SLCO5A1: variants seen among roughly 807,000 people sequenced by gnomAD.
SLCO5A1 encodes solute carrier organic anion transporter family member 5A1.
A neutral mutation model predicts 65.1 loss-of-function variants in SLCO5A1; 39 were observed. The ratio of observed to expected loss-of-function variants is 0.60; its 90% CI spans 0.46 to 0.78. SLCO5A1 has a LOEUF of 0.78. Among genes scored for constraint, SLCO5A1 ranks in the 30% least tolerant of loss-of-function variants. The pLI, the probability that SLCO5A1 is intolerant of heterozygous loss-of-function variation, is 0.00. For synonymous variants in SLCO5A1, 438 were observed against 415.7 expected, an observed-to-expected ratio of 1.05 and a Z score of -0.65; for missense variants, 1,029 against 1,069.4, an observed-to-expected ratio of 0.96 and a Z score of 0.53.
intron 2 of SLCO5A1, among the ~76,000 whole-genome samples, chr8:69,809,239 C>T (rs905533919): frequency 6.6e-6 from 1 of 152,126 alleles, no homozygotes; most frequent in African/African-American, 2.4e-5. Flanking sequence ...TAAAGCAAGA[C>T]AAGCTTAAAG....
chr8:69,740,024 G>T lies in SLCO5A1; in HGVS notation c.1259-1820C>A, dbSNP rs191681883. Among the ~76,000 whole-genome samples, 134 of 152,278 alleles carry T rather than the reference G, an allele frequency of 8.8e-4. 3 individuals carry two copies. The highest frequency in any genetic ancestry group is 3.0e-3 in the African/African-American group (124 of 41,558). Reference sequence around the variant, plus strand: ...TGTTTTAAGAAATACTGGTTATATTGAACGGGTTTTTCTTCTATAGCCATT... The same window carrying T: ...TGTTTTAAGAAATACTGGTTATATTTAACGGGTTTTTCTTCTATAGCCATT... On this transcript the variant is annotated intron_variant, in intron 4 of 9. Transcript: ENST00000260126.
At chr8:69,706,013 A>G (rs2130811113) in intron 5 of SLCO5A1, among the ~76,000 whole-genome samples, 1 of 152,386 alleles carries the variant, frequency 6.6e-6, no homozygotes, top group Non-Finnish European at 1.5e-5. Context: ...TTATAATTGT[A>G]AAAAACTGGA....
chr8:69,796,573 T>C (rs1819509593), intron 2 of SLCO5A1, among the ~76,000 whole-genome samples: 1 of 152,052 alleles, frequency 6.6e-6, no homozygotes, highest in Non-Finnish European at 1.5e-5. Flanking sequence ...GCCATGATCA[T>C]GCCACTGCAC....
At chr8:69,676,551 A>G in intron 9 of SLCO5A1, 58 bp downstream of exon 9, 1 of 1,473,944 alleles carries the variant, frequency 6.8e-7, no homozygotes, top group Non-Finnish European at 9.4e-7. Flanking sequence ...AAGGACAGTG[A>G]AAATTTGCCA....
At chr8:69,829,484 A>T (rs1228317359) in intron 2 of SLCO5A1, among the ~76,000 whole-genome samples, 1 of 152,230 alleles carries the variant, frequency 6.6e-6, no homozygotes, top group Non-Finnish European at 1.5e-5. Flanking sequence ...TTAAAAAATT[A>T]TTATTAGCCT....
intron 5 of SLCO5A1, among the ~76,000 whole-genome samples, chr8:69,707,604 G>C (rs1474843831): frequency 6.6e-6 from 1 of 152,188 alleles, no homozygotes; most frequent in African/African-American, 2.4e-5. Flanking sequence ...GAAGAATTCT[G>C]AGCTGCGGCT....
chr8:69,753,943 G>A (rs1817437746), intron 4 of SLCO5A1, among the ~76,000 whole-genome samples: 1 of 149,988 alleles, frequency 6.7e-6, no homozygotes, highest in Non-Finnish European at 1.5e-5. Flanking sequence ...TTGAACCTGG[G>A]AGGCAGAGAT....
intron 2 of SLCO5A1, among the ~76,000 whole-genome samples, chr8:69,824,619 A>C (rs531954323): frequency 0.019 from 2,880 of 152,326 alleles, 93 homozygotes; most frequent in African/African-American, 0.064. Flanking sequence ...AGGAGCTGAA[A>C]TTGTGGCAAT....
chr8:69,811,789 T>A (rs10504460), intron 2 of SLCO5A1, among the ~76,000 whole-genome samples: 14 of 152,184 alleles, frequency 9.2e-5, no homozygotes, highest in Admixed American at 9.2e-4. Flanking sequence ...GTGTTTTAAG[T>A]GCATCCTGGG....
At chr8:69,796,935 C>G (rs1425880285) in intron 2 of SLCO5A1, among the ~76,000 whole-genome samples, 1 of 152,110 alleles carries the variant, frequency 6.6e-6, no homozygotes, top group Non-Finnish European at 1.5e-5. Context: ...CTAATAAGTT[C>G]CTTATCTCCA....
Position 69,831,909 on chromosome 8 carries a change from C to T in SLCO5A1, c.765G>A (p.Ser255=). 6.2e-7 allele frequency: 1 copy of T among 1,608,520 alleles called. No homozygotes were observed. Among genetic ancestry groups the T allele is most frequent in the Non-Finnish European group, 8.5e-7 (1 of 1,178,182 alleles). ...CGTAGACCCAGTGATTATTTCCTCC[C>T]GAGTCCTTCGGACAGGCCGGAGGCT... ...TLEPPACPKD[S]GGNNHWVYVA... is the part of the protein sequence containing the mutation. The change falls in exon 2 of 10, where the codon TCG becomes TCA. Residue 255 remains serine (S), a synonymous_variant. Coordinates refer to ENST00000260126, the MANE Select transcript of SLCO5A1 (RefSeq NM_030958.3).
At chr8:69,676,516 TA>T (rs918884598) in intron 9 of SLCO5A1, 92 bp downstream of exon 9, 1 of 1,052,714 alleles carries the variant, frequency 9.5e-7, no homozygotes, top group African/African-American at 1.6e-5. Flanking sequence ...TTCATGGTAA[TA>T]AATGACATGA....
intron 5 of SLCO5A1, among the ~76,000 whole-genome samples, chr8:69,712,325 C>T (rs983812059): frequency 6.6e-6 from 1 of 152,140 alleles, no homozygotes; most frequent in South Asian, 2.1e-4. Flanking sequence ...CGTTTTTATT[C>T]TGGACCCCAA....
At chr8:69,696,138 G>C (rs1475148645) in intron 6 of SLCO5A1, among the ~76,000 whole-genome samples, 2 of 152,228 alleles carry the variant, frequency 1.3e-5, no homozygotes, top group Non-Finnish European at 1.5e-5. Flanking sequence ...GGGTGAGGTA[G>C]GTGTGGTGTT....
chr8:69,722,578 C>T (rs1815875682), intron 5 of SLCO5A1, among the ~76,000 whole-genome samples: 1 of 152,090 alleles, frequency 6.6e-6, no homozygotes, highest in Non-Finnish European at 1.5e-5. Context: ...AAAGACAGGA[C>T]AAAAATCTGA....
chr8:69,824,146 T>C (rs569611142), intron 2 of SLCO5A1, among the ~76,000 whole-genome samples: 9 of 152,114 alleles, frequency 5.9e-5, no homozygotes, highest in African/African-American at 1.9e-4. Context: ...GGGAAATTTA[T>C]AGCACTAAAT....
At chr8:69,799,319 A>C (rs1456649840) in intron 2 of SLCO5A1, among the ~76,000 whole-genome samples, 4 of 152,238 alleles carry the variant, frequency 2.6e-5, no homozygotes, top group African/African-American at 9.6e-5. Context: ...AATATCCCAC[A>C]AATGGGAACT....
intron 4 of SLCO5A1, among the ~76,000 whole-genome samples, chr8:69,739,716 A>G (rs1185564747): frequency 6.6e-6 from 1 of 152,150 alleles, no homozygotes; most frequent in Non-Finnish European, 1.5e-5. Context: ...TTAACAATTT[A>G]AAATAAAAAT....
In SLCO5A1 at chr8:69,669,333, C is replaced by T. The variant is rs543912952; in HGVS notation, c.*3536G>A. 15 of 152,140 alleles carry T rather than the reference C, an allele frequency of 9.9e-5. No individual in the cohort carries two copies. Among genetic ancestry groups the T allele is most frequent in the African/African-American group, 3.4e-4 (14 of 41,482 alleles). The allele number at this position is 152,140 out of a possible 1,614,324, so 9.4% of individuals were successfully genotyped here. On this transcript the variant is annotated 3_prime_UTR_variant, in exon 10 of 10. Transcript: ENST00000260126. ...GGTAATATATCAAAAAATTGAAATGCTTTAATCTCACGATTTTATAGTCAC... is the reference window on the plus strand; with the variant it reads ...GGTAATATATCAAAAAATTGAAATGTTTTAATCTCACGATTTTATAGTCAC...
Sources: gnomAD v4.1 joint callset for allele counts (sites outside exome capture counted in the v4.1 genomes callset) on GRCh38, gnomAD v4.1.1 for gene constraint, MANE v1.5 for transcripts, NCBI Gene and HGNC (gene_info 2026-07-23, HGNC 2026-07-21) for gene names.